The following RANBP17 variants were observed in gnomAD, a reference collection of about 807,000 sequenced individuals.
RANBP17 encodes the protein RAN binding protein 17.
A neutral mutation model predicts 141.2 loss-of-function variants in RANBP17; 158 were observed. The ratio of observed to expected loss-of-function variants is 1.12; its 90% CI spans 0.98 to 1.28. The LOEUF is 1.28. Among genes scored for constraint, RANBP17 ranks in the 50% most tolerant of loss-of-function variants. The probability of loss-of-function intolerance (pLI) is 0.00; values close to 1 mark genes in which losing one functional copy is unlikely to be tolerated. For missense variants in RANBP17, 1,438 were observed against 1,290.7 expected, an observed-to-expected ratio of 1.11 and a Z score of -1.75; for synonymous variants, 430 against 450.0, an observed-to-expected ratio of 0.96 and a Z score of 0.56.
chr5:170,916,916 A>T (rs1772024909), intron 9 of RANBP17, among the ~76,000 whole-genome samples: 1 of 151,902 alleles, frequency 6.6e-6, no homozygotes, highest in South Asian at 2.1e-4. Context: ...GGGTTTCACC[A>T]TGTTGGGCAG....
intron 12 of RANBP17, among the ~76,000 whole-genome samples, chr5:170,942,160 C>T (rs890086445): frequency 6.6e-6 from 1 of 152,076 alleles, no homozygotes; most frequent in Non-Finnish European, 1.5e-5. Context: ...GTGTATAATG[C>T]CTGATGACCC....
In RANBP17 at chr5:171,241,014, C is replaced by T. The variant is rs749895335; in HGVS notation, c.2509C>T (p.Leu837Phe). Reference protein sequence around the residue: ...LKGISICYSALKSALCGNYVS... With the variant: ...LKGISICYSAFKSALCGNYVS... ...GGGCATCTCCATCTGCTATTCAGCTCTCAAGTCTGCCTTGTGTGGAAATTA... is the reference window on the plus strand; with the variant it reads ...GGGCATCTCCATCTGCTATTCAGCTTTCAAGTCTGCCTTGTGTGGAAATTA... The change falls in exon 23 of 28, where the codon CTC (leucine) becomes TTC (phenylalanine). Residue 837 changes from leucine to phenylalanine, a missense_variant. Transcript: ENST00000523189. 6.2e-7 allele frequency: 1 copy of T among 1,613,946 alleles called. No homozygotes were observed. Among genetic ancestry groups the T allele is most frequent in the South Asian group, 1.1e-5 (1 of 91,062 alleles).
intron 9 of RANBP17, among the ~76,000 whole-genome samples, chr5:170,917,839 A>G (rs891327416): frequency 1.3e-5 from 2 of 152,140 alleles, no homozygotes; most frequent in Non-Finnish European, 2.9e-5. Flanking sequence ...AAAAGTTGGT[A>G]TGAATATTAG....
intron 8 of RANBP17, 67 bp downstream of exon 8, chr5:170,914,307 C>T (rs990873350): frequency 8.5e-5 from 85 of 996,594 alleles, no homozygotes; most frequent in Non-Finnish European, 1.2e-4. Flanking sequence ...TATATATTTA[C>T]TTCAAAAATT....
chr5:171,145,127 T>C (rs975560414), intron 14 of RANBP17, among the ~76,000 whole-genome samples: 1 of 152,206 alleles, frequency 6.6e-6, no homozygotes, highest in Non-Finnish European at 1.5e-5. Flanking sequence ...CCAGGGCTTC[T>C]GTATATAAAG....
intron 27 of RANBP17, 58 bp downstream of exon 27, chr5:171,296,072 A>G: frequency 1.3e-6 from 2 of 1,564,464 alleles, no homozygotes; most frequent in Non-Finnish European, 1.7e-6. Context: ...GTTTGTTGAA[A>G]ATAACTCTCT....
In RANBP17 at chr5:171,064,294, C is replaced by T. The variant is rs572873686; in HGVS notation, c.1710+95917C>T. On this transcript the variant is annotated intron_variant, in intron 14 of 27. Coordinates refer to ENST00000523189, the MANE Select transcript of RANBP17 (RefSeq NM_022897.5). Reference sequence around the variant, plus strand: ...GCTGTAGATGGGAGCTGTTCCTATTCGGCCATCTTGGCTGCCAGTCCTAGA... The same window carrying T: ...GCTGTAGATGGGAGCTGTTCCTATTTGGCCATCTTGGCTGCCAGTCCTAGA... Among the ~76,000 whole-genome samples the T allele has an allele frequency of 1.1e-4, 17 of 152,306 alleles. No individual in the cohort carries two copies. The South Asian group carries it at 2.5e-3, about 22-fold the overall frequency.
intron 14 of RANBP17, among the ~76,000 whole-genome samples, chr5:171,070,782 G>A (rs2127692101): frequency 6.6e-6 from 1 of 152,090 alleles, no homozygotes; most frequent in Middle Eastern, 3.4e-3. Context: ...CATGTTCTCT[G>A]CTATATGGAG....
chr5:171,123,080 G>A (rs1756160347), intron 14 of RANBP17, among the ~76,000 whole-genome samples: 1 of 152,180 alleles, frequency 6.6e-6, no homozygotes, highest in Non-Finnish European at 1.5e-5. Context: ...CCCAGAGCCT[G>A]AGAACTGCCT....
At chr5:170,891,186 A>G (rs568436162) in intron 3 of RANBP17, among the ~76,000 whole-genome samples, 1 of 152,374 alleles carries the variant, frequency 6.6e-6, no homozygotes, top group Non-Finnish European at 1.5e-5. Context: ...AAGTTTTGTC[A>G]GTGACATATT....
intron 14 of RANBP17, 73 bp from the exon 15 acceptor site, chr5:171,170,057 T>G (rs1759989320): frequency 2.6e-6 from 2 of 783,010 alleles, no homozygotes; most frequent in African/African-American, 1.8e-5. Flanking sequence ...ATCTTATGTT[T>G]GTTCAATTCG....
intron 14 of RANBP17, among the ~76,000 whole-genome samples, chr5:171,087,788 C>T (rs1785799372): frequency 2.0e-5 from 3 of 147,112 alleles, no homozygotes; most frequent in Admixed American, 1.4e-4. Context: ...GATTGCAACC[C>T]CTGCCTTTTT....
At chr5:171,084,340 T>C (rs1405550594) in intron 14 of RANBP17, among the ~76,000 whole-genome samples, 1 of 143,312 alleles carries the variant, frequency 7.0e-6, no homozygotes, top group Non-Finnish European at 1.5e-5. Flanking sequence ...ATGTGCCACA[T>C]TTTCTTAATC....
At chr5:171,050,928 A>G (rs1782913538) in intron 14 of RANBP17, among the ~76,000 whole-genome samples, 1 of 152,186 alleles carries the variant, frequency 6.6e-6, no homozygotes, top group South Asian at 2.1e-4. Context: ...TAATAGAATT[A>G]GAATTAGAGA....
intron 14 of RANBP17, among the ~76,000 whole-genome samples, chr5:171,001,023 C>T (rs965704831): frequency 2.6e-5 from 4 of 152,150 alleles, no homozygotes; most frequent in African/African-American, 4.8e-5. Flanking sequence ...AGCTTGGGCT[C>T]AGAGGCCTGA....
chr5:171,244,363 C>T (rs751258304), intron 24 of RANBP17, among the ~76,000 whole-genome samples: 4 of 151,944 alleles, frequency 2.6e-5, no homozygotes, highest in Non-Finnish European at 5.9e-5. Flanking sequence ...GGGCAACGAA[C>T]GAAACTCCAT....
At chr5:170,894,112 G>T (rs542634815) in intron 4 of RANBP17, among the ~76,000 whole-genome samples, 5 of 152,272 alleles carry the variant, frequency 3.3e-5, no homozygotes, top group Admixed American at 2.0e-4. Flanking sequence ...GCTCTGAGGA[G>T]ATCAGTTTAT....
chr5:171,000,525 T>C (rs1779127326), intron 14 of RANBP17, among the ~76,000 whole-genome samples: 1 of 152,252 alleles, frequency 6.6e-6, no homozygotes, highest in Non-Finnish European at 1.5e-5. Context: ...GCAAAATTGC[T>C]TTTAAATCTG....
chr5:170,956,176 A>G (rs1262175655), intron 13 of RANBP17, among the ~76,000 whole-genome samples: 1 of 151,954 alleles, frequency 6.6e-6, no homozygotes, highest in African/African-American at 2.4e-5. Flanking sequence ...TATCTTACAC[A>G]AAATTATTTC....
Sources: gnomAD v4.1 joint callset for allele counts (sites outside exome capture counted in the v4.1 genomes callset) on GRCh38, gnomAD v4.1.1 for gene constraint, MANE v1.5 for transcripts, NCBI Gene and HGNC (gene_info 2026-07-23, HGNC 2026-07-21) for gene names.